Variants in PCDH11X observed in about 807,000 individuals in gnomAD.
PCDH11X encodes the protein protocadherin 11 X-linked.
PCDH11X carries 18 observed loss-of-function variants against 53.3 expected under a neutral mutation model. The observed-to-expected ratio is 0.34, with a 90% CI of 0.23 to 0.50. The LOEUF (loss-of-function observed/expected upper bound fraction) is 0.50. Ranked by LOEUF, PCDH11X falls within the 20% of genes least tolerant of loss-of-function variation. PCDH11X has a pLI of 0.98. For missense variants in PCDH11X, 570 were observed against 1,032.4 expected, an observed-to-expected ratio of 0.55 and a Z score of 6.14; for synonymous variants, 279 against 393.3, an observed-to-expected ratio of 0.71 and a Z score of 3.44.
intron 6 of PCDH11X, among the ~76,000 whole-genome samples, chrX:92,134,702 T>C (rs993410801): frequency 6.3e-5 from 7 of 111,102 alleles, no homozygotes; most frequent in Non-Finnish European, 1.1e-4. Flanking sequence ...GCTAAACAAA[T>C]GGTGGGTTAT....
chrX:92,158,213 T>C (rs775497460), intron 6 of PCDH11X, among the ~76,000 whole-genome samples: 1 of 109,991 alleles, frequency 9.1e-6, no homozygotes, highest in South Asian at 3.9e-4. Context: ...CAAGACTCTT[T>C]CTAAAAACAA....
intron 9 of PCDH11X, among the ~76,000 whole-genome samples, chrX:92,401,831 TG>T (rs1907319576): frequency 8.9e-6 from 1 of 112,269 alleles, no homozygotes; most frequent in Non-Finnish European, 1.9e-5. Context: ...ATGGATCAAA[TG>T]ATAACGCTTC....
chrX:92,367,158 T>C (rs1203985903), intron 8 of PCDH11X, among the ~76,000 whole-genome samples: 1 of 110,840 alleles, frequency 9.0e-6, no homozygotes, highest in Non-Finnish European at 1.9e-5. Flanking sequence ...AAGAACTTGC[T>C]TTATGAATCT....
intron 6 of PCDH11X, among the ~76,000 whole-genome samples, chrX:91,930,267 C>T (rs149239622): frequency 0.045 from 4,897 of 108,038 alleles, 252 homozygotes; most frequent in African/African-American, 0.14. Flanking sequence ...TAAAAGACTA[C>T]CAAAATTTGG....
At chrX:92,446,101 C>A (rs2072635932) in intron 9 of PCDH11X, among the ~76,000 whole-genome samples, 1 of 106,799 alleles carries the variant, frequency 9.4e-6, no homozygotes, top group Non-Finnish European at 1.9e-5. Flanking sequence ...TACTTAATAA[C>A]ACCTACATTT....
chrX:92,233,046 ACT>A (rs2148373128), intron 7 of PCDH11X, among the ~76,000 whole-genome samples: 1 of 110,089 alleles, frequency 9.1e-6, no homozygotes, highest in African/African-American at 3.3e-5. Context: ...GTAAAATCTG[ACT>A]CTACCCCAGC....
rs1452209241 is a variant in PCDH11X, at chrX:91,878,704, A to G, written c.2464A>G (p.Ile822Val). ...CCTGGTTGCAGCTGTTGCTGGCACC[A>G]TAACTGTCGTTGTAGTTATTTTCAT... ...KILVAAVAGT[I>V]TVVVVIFITA... Residue 822 changes from isoleucine to valine, a missense_variant, in exon 6 of 11, where the codon ATA becomes GTA. Transcript: ENST00000682573. 4 of 1,210,767 alleles carry G rather than the reference A, an allele frequency of 3.3e-6. No individual in the cohort carries two copies. Among genetic ancestry groups the G allele is most frequent in the East Asian group, 3.0e-5 (1 of 33,761 alleles).
chrX:92,184,067 C>G (rs1295725519), intron 6 of PCDH11X, among the ~76,000 whole-genome samples: 1 of 111,421 alleles, frequency 9.0e-6, no homozygotes, highest in Non-Finnish European at 1.9e-5. Context: ...ATAACTGTAG[C>G]CCCAGCATGT....
At chrX:92,143,824 C>T (rs112990945) in intron 6 of PCDH11X, among the ~76,000 whole-genome samples, 9,649 of 111,059 alleles carry the variant, frequency 0.087, 1,045 homozygotes, top group African/African-American at 0.3. Context: ...TTGCACCCTG[C>T]GCCTGGAAAA....
At chrX:91,973,052 T>C (rs1331474844) in intron 6 of PCDH11X, among the ~76,000 whole-genome samples, 100 of 109,936 alleles carry the variant, frequency 9.1e-4, no homozygotes, top group African/African-American at 3.1e-3. Context: ...TGTCCAACAA[T>C]GATAGACTGG....
At chrX:92,189,914 T>C (rs2066164866) in intron 6 of PCDH11X, among the ~76,000 whole-genome samples, 1 of 111,833 alleles carries the variant, frequency 8.9e-6, no homozygotes, top group Admixed American at 9.6e-5. Flanking sequence ...ATGGGGTTGT[T>C]TGTTTTTGTC....
intron 8 of PCDH11X, among the ~76,000 whole-genome samples, chrX:92,380,267 C>T (rs1229759691): frequency 9.3e-6 from 1 of 107,705 alleles, no homozygotes; most frequent in Non-Finnish European, 1.9e-5. Context: ...CCTGGTTATG[C>T]GCAGTGGCCG....
At chrX:91,806,414 A>G (rs1409385954) in intron 1 of PCDH11X, among the ~76,000 whole-genome samples, 1 of 113,651 alleles carries the variant, frequency 8.8e-6, no homozygotes, top group East Asian at 2.7e-4. Flanking sequence ...TATTCTTCAC[A>G]GTACACCTGT....
chrX:91,792,464 A>G (rs978723778), intron 1 of PCDH11X, among the ~76,000 whole-genome samples: 6 of 110,457 alleles, frequency 5.4e-5, no homozygotes, highest in Non-Finnish European at 9.5e-5. Context: ...TGAAATTTTA[A>G]TCATAAATCA....
intron 6 of PCDH11X, among the ~76,000 whole-genome samples, chrX:91,909,953 C>T (rs1941317673): frequency 9.0e-6 from 1 of 111,403 alleles, no homozygotes; most frequent in South Asian, 3.7e-4. Context: ...TAACAAATTT[C>T]AAGTACGCAA....
intron 8 of PCDH11X, among the ~76,000 whole-genome samples, chrX:92,272,528 T>G (rs2067982280): frequency 8.9e-6 from 1 of 112,079 alleles, no homozygotes; most frequent in African/African-American, 3.2e-5. Context: ...TATTTGAATT[T>G]TTTTATTGCT....
At chrX:92,594,946 C>A (rs1925436023) in intron 10 of PCDH11X, among the ~76,000 whole-genome samples, 1 of 108,386 alleles carries the variant, frequency 9.2e-6, no homozygotes, top group African/African-American at 3.4e-5. Flanking sequence ...TGAGCAAAAT[C>A]TGAAGCATAT....
intron 6 of PCDH11X, among the ~76,000 whole-genome samples, chrX:92,065,601 T>C (rs2063596211): frequency 8.9e-6 from 1 of 112,123 alleles, no homozygotes; most frequent in African/African-American, 3.2e-5. Flanking sequence ...TAAATTTCTC[T>C]GAGGATCAAT....
At chrX:92,122,313 A>G (rs1036271922) in intron 6 of PCDH11X, among the ~76,000 whole-genome samples, 1 of 111,302 alleles carries the variant, frequency 9.0e-6, no homozygotes, top group Admixed American at 9.6e-5. Context: ...AAATCCAACC[A>G]CAATGTTAAC....
Sources: gnomAD v4.1 joint callset for allele counts (sites outside exome capture counted in the v4.1 genomes callset) on GRCh38, gnomAD v4.1.1 for gene constraint, MANE v1.5 for transcripts, NCBI Gene and HGNC (gene_info 2026-07-23, HGNC 2026-07-21) for gene names.